The following RGSL1 variants were observed in gnomAD, a reference collection of about 807,000 sequenced individuals.
RGSL1 encodes the protein regulator of G protein signaling protein-like.
Under a neutral mutation model 124.7 loss-of-function variants are expected in RGSL1, and 97 were observed. The observed-to-expected ratio is 0.78, with a 90% CI of 0.66 to 0.92. The LOEUF is 0.92. RGSL1 is among the 40% of genes least tolerant of loss of function. The probability of loss-of-function intolerance (pLI) is 0.00; values close to 1 mark genes in which losing one functional copy is unlikely to be tolerated. For synonymous variants in RGSL1, 424 were observed against 438.1 expected (o/e 0.97, Z 0.40); for missense variants, 1,233 against 1,288.4 (o/e 0.96, Z 0.66).
chr1:182,558,695 C>T (rs1032503154), intron 21 of RGSL1, among the ~76,000 whole-genome samples: 1 of 152,184 alleles, frequency 6.6e-6, no homozygotes, highest in Admixed American at 6.5e-5. Context: ...TTAAATCCAG[C>T]AATGGTGGGT....
At position 182,474,034 on chromosome 1, in the gene RGSL1, T is replaced by G; in HGVS notation, c.923T>G (p.Leu308Arg). The G allele has an allele frequency of 6.4e-7, 1 of 1,551,762 alleles. No homozygotes were observed. The highest frequency in any genetic ancestry group is 8.7e-7 in the Non-Finnish European group (1 of 1,146,994). The change falls in exon 6 of 22, where the codon CTG becomes CGG. Residue 308 changes from leucine to arginine, a missense_variant. By Grantham distance (102) the Leu-to-Arg change is moderately radical (BLOSUM62 -2). Transcript: ENST00000294854. ...ASSKETRISS[L>R]EKDMHYAKIS... ...TCAAAGGAAACAAGAATCAGTTCCC[T>G]GGAAAAGGATATGCATTATGCAAAA...
chr1:182,456,522 T>A (rs1264731204), intron 2 of RGSL1, among the ~76,000 whole-genome samples: 4 of 152,178 alleles, frequency 2.6e-5, no homozygotes, highest in African/African-American at 9.7e-5. Context: ...GATCTCAAAC[T>A]CCAGACCTCA....
chr1:182,545,101 A>G (rs1660128076), intron 15 of RGSL1, among the ~76,000 whole-genome samples: 1 of 151,552 alleles, frequency 6.6e-6, no homozygotes, highest in Non-Finnish European at 1.5e-5. Context: ...TGATTAAGTA[A>G]TTTTCTCTGG....
intron 5 of RGSL1, 122 bp downstream of exon 5, chr1:182,472,679 G>A (rs1571510201): frequency 2.9e-6 from 3 of 1,042,872 alleles, no homozygotes. Context: ...ATGTATCAGA[G>A]AGGCTAGTGG....
chr1:182,455,591 GA>G (rs33976225), intron 2 of RGSL1, among the ~76,000 whole-genome samples: 42,096 of 144,804 alleles, frequency 0.29, 5,863 homozygotes, highest in African/African-American at 0.33. Context: ...CAAAAAGAAA[GA>G]AAAAAAAAAA....
intron 9 of RGSL1, among the ~76,000 whole-genome samples, chr1:182,504,782 G>C (rs1356558654): frequency 6.6e-6 from 1 of 152,094 alleles, no homozygotes; most frequent in Non-Finnish European, 1.5e-5. Flanking sequence ...GAAAACAAAA[G>C]AAGAATAAAA....
At chr1:182,532,059 C>T (rs935482230) in intron 13 of RGSL1, among the ~76,000 whole-genome samples, 3 of 152,148 alleles carry the variant, frequency 2.0e-5, no homozygotes, top group Non-Finnish European at 4.4e-5. Flanking sequence ...ACTGAGACAA[C>T]TGAACTAGTT....
At chr1:182,535,174 C>G (rs986419801) in intron 14 of RGSL1, among the ~76,000 whole-genome samples, 2 of 152,112 alleles carry the variant, frequency 1.3e-5, no homozygotes. Context: ...CACCTGGTGC[C>G]CCTCTTCAAT....
At chr1:182,471,183 CT>C in intron 4 of RGSL1, 1 of 436,150 alleles carries the variant, frequency 2.3e-6, no homozygotes, top group Non-Finnish European at 4.6e-6. Context: ...TTTGTCCTCA[CT>C]ACATTAAACA....
At position 182,554,871 on chromosome 1, in the gene RGSL1, G is replaced by A. The variant is rs572772303; in HGVS notation, c.3197+178G>A. 2.2e-5 allele frequency: 14 copies of A among 626,474 alleles called. No homozygotes were observed. The African/African-American group carries it at 2.4e-4, about 11-fold the overall frequency. 38.8% of individuals were successfully genotyped at this position (626,474 alleles called of 1,614,324 possible). A position where few individuals can be genotyped will look rare whatever the true frequency, so the allele number is the denominator to read the frequency against. On this transcript the variant is annotated intron_variant, in intron 20 of 21. Transcript: ENST00000294854. ...GAAGTTAAAGAGGTGTTTCTCTGTGGGGGTCCTTTCTCACCTCCAACTAGG... is the reference window on the plus strand; with the variant it reads ...GAAGTTAAAGAGGTGTTTCTCTGTGAGGGTCCTTTCTCACCTCCAACTAGG...
chr1:182,542,449 C>T (rs991138112), intron 15 of RGSL1, among the ~76,000 whole-genome samples: 18 of 152,156 alleles, frequency 1.2e-4, no homozygotes, highest in Admixed American at 5.9e-4. Flanking sequence ...CAGCACCATG[C>T]TGATTTCGTT....
intron 3 of RGSL1, among the ~76,000 whole-genome samples, chr1:182,459,777 T>C (rs1652657574): frequency 6.6e-6 from 1 of 152,250 alleles, no homozygotes; most frequent in Non-Finnish European, 1.5e-5. Context: ...TCAAGCTTTT[T>C]ATTTTCTACA....
chr1:182,497,014 T>C (rs960455736), intron 9 of RGSL1, among the ~76,000 whole-genome samples: 2 of 152,194 alleles, frequency 1.3e-5, no homozygotes, highest in Non-Finnish European at 2.9e-5. Context: ...ATGTATATGA[T>C]ACATGTGATA....
At chr1:182,484,374 T>C (rs1017395370) in intron 6 of RGSL1, among the ~76,000 whole-genome samples, 6 of 152,010 alleles carry the variant, frequency 3.9e-5, no homozygotes, top group African/African-American at 1.5e-4. Flanking sequence ...AGCTTAGGTA[T>C]TGGTGTATGT....
intron 4 of RGSL1, among the ~76,000 whole-genome samples, chr1:182,468,013 A>G (rs1653491887): frequency 6.6e-6 from 1 of 152,252 alleles, no homozygotes; most frequent in African/African-American, 2.4e-5. Context: ...GACAACATGA[A>G]AAAATGCTCA....
rs80261686 is a variant in RGSL1, at chr1:182,558,304, G to A, written c.*166-1975G>A. Among the ~76,000 whole-genome samples, 1,011 of 152,206 alleles carry A rather than the reference G, an allele frequency of 6.6e-3. 5 individuals are homozygous for A. The highest frequency in any genetic ancestry group is 0.023 in the African/African-American group (957 of 41,492). On this transcript the variant is annotated intron_variant, in intron 21 of 21. Transcript: ENST00000294854. ...AACACTAGATCCAGGGGCCACTGCC[G>A]TCTAAGGAAAAGGCCAAGAAAGAGG...
chr1:182,509,846 G>T lies in RGSL1; in HGVS notation c.1826-12158G>T, dbSNP rs1363010511. Among the ~76,000 whole-genome samples the T allele has an allele frequency of 6.9e-3, 954 of 138,938 alleles. 6 individuals are homozygous for T. Among genetic ancestry groups the T allele is most frequent in the Middle Eastern group, 0.017 (4 of 242 alleles). The allele number at this position is 138,938 out of a possible 152,430, so 91.1% of individuals were successfully genotyped here. ...CCCCCCCACCTCCCTCCCGGACGGG[G>T]TGGCTGCCGGGCGGAGACGCTCCTC... On this transcript the variant is annotated intron_variant, in intron 9 of 21. Coordinates refer to ENST00000294854, the MANE Select transcript of RGSL1 (RefSeq NM_001137669.2).
At chr1:182,487,570 C>A (rs1655185129) in intron 6 of RGSL1, among the ~76,000 whole-genome samples, 2 of 152,234 alleles carry the variant, frequency 1.3e-5, no homozygotes, top group Non-Finnish European at 2.9e-5. Flanking sequence ...GATTAAACCT[C>A]CTTACCTTTA....
intron 9 of RGSL1, among the ~76,000 whole-genome samples, chr1:182,515,476 G>A (rs940924425): frequency 1.3e-5 from 2 of 148,898 alleles, no homozygotes; most frequent in Admixed American, 6.8e-5. Flanking sequence ...AGCAAGCAGG[G>A]GTTGCTCCTC....
Sources: gnomAD v4.1 joint callset for allele counts (sites outside exome capture counted in the v4.1 genomes callset) on GRCh38, gnomAD v4.1.1 for gene constraint, MANE v1.5 for transcripts, NCBI Gene and HGNC (gene_info 2026-07-23, HGNC 2026-07-21) for gene names.